Variants in GOSR2 observed in about 807,000 individuals in gnomAD.
GOSR2 encodes golgi SNAP receptor complex member 2, also known as 27 kDa Golgi SNARE protein.
Under a neutral mutation model 27.9 loss-of-function variants are expected in GOSR2, and 20 were observed. The observed-to-expected ratio is 0.72, with a 90% CI of 0.50 to 1.04. The LOEUF is 1.04. Ranked by LOEUF, GOSR2 falls within the 50% of genes least tolerant of loss-of-function variation. The pLI, the probability that GOSR2 is intolerant of heterozygous loss-of-function variation, is 0.00. For synonymous variants in GOSR2, 91 were observed against 98.8 expected, an observed-to-expected ratio of 0.92 and a Z score of 0.47; for missense variants, 261 against 270.5, an observed-to-expected ratio of 0.97 and a Z score of 0.25.
chr17:46,942,032 A>G, downstream of GOSR2: 1 of 852,808 alleles, frequency 1.2e-6, no homozygotes, highest in South Asian at 5.4e-5. Context: ...CTTAGTCCAA[A>G]AAAGATTTGA....
chr17:46,933,997 A>T (rs1023859653), intron 4 of GOSR2, among the ~76,000 whole-genome samples: 1 of 151,668 alleles, frequency 6.6e-6, no homozygotes, highest in Non-Finnish European at 1.5e-5. Flanking sequence ...AGAGCTTGTG[A>T]TTGGCAGAAA....
chr17:46,942,240 C>T (rs374430155), downstream of GOSR2, among the ~76,000 whole-genome samples: 2 of 152,176 alleles, frequency 1.3e-5, no homozygotes, highest in African/African-American at 2.4e-5. Context: ...CTGTCTCAAC[C>T]GGGGGGTGAC....
rs2089011090 is a variant in GOSR2 at position 46,939,856 on chromosome 17, C to T, written c.*1096C>T. 1 of 993,178 alleles carries T rather than the reference C, an allele frequency of 1.0e-6. No homozygotes were observed. The highest frequency in any genetic ancestry group is 1.2e-6 in the Non-Finnish European group (1 of 833,700). 61.5% of individuals were successfully genotyped at this position (993,178 alleles called of 1,614,324 possible). A position where few individuals can be genotyped will look rare whatever the true frequency, so the allele number is the denominator to read the frequency against. Reference sequence around the variant, plus strand: ...AATTTAGTATAAAGGCCAATCTGTCCTGAAGTCCATCTAATGTGGTGAATC... The same window carrying T: ...AATTTAGTATAAAGGCCAATCTGTCTTGAAGTCCATCTAATGTGGTGAATC... On this transcript the variant is annotated 3_prime_UTR_variant, in exon 6 of 6. Coordinates refer to ENST00000640051, the MANE Select transcript of GOSR2 (RefSeq NM_004287.5).
At chr17:46,923,270 G>A in intron 1 of GOSR2, 49 bp downstream of exon 1, 2 of 1,550,510 alleles carry the variant, frequency 1.3e-6, no homozygotes, top group South Asian at 1.2e-5. Flanking sequence ...GCGAGGCCAG[G>A]TGAGCCTGGC....
At chr17:46,970,748 G>T (rs1193268958), downstream of GOSR2, among the ~76,000 whole-genome samples, 1 of 152,164 alleles carries the variant, frequency 6.6e-6, no homozygotes, top group African/African-American at 2.4e-5. Context: ...AGTGATGTTT[G>T]CATAAAAGAG....
At chr17:46,969,669 T>C (rs1385365030), downstream of GOSR2, among the ~76,000 whole-genome samples, 1 of 152,188 alleles carries the variant, frequency 6.6e-6, no homozygotes, top group Admixed American at 6.5e-5. Context: ...GCTTGGTGGA[T>C]AAATGCCTTA....
At chr17:46,947,734 T>C (rs2090023619) in intron 6 of GOSR2, among the ~76,000 whole-genome samples, 2 of 152,204 alleles carry the variant, frequency 1.3e-5, no homozygotes, top group African/African-American at 4.8e-5. Context: ...GTAGCAAAAG[T>C]GCCTGTATTT....
At chr17:46,960,165 A>T (rs2090969046) in intron 6 of GOSR2, among the ~76,000 whole-genome samples, 1 of 152,246 alleles carries the variant, frequency 6.6e-6, no homozygotes, top group Non-Finnish European at 1.5e-5. Context: ...CTCAACAATA[A>T]GAAAACAAGC....
At chr17:46,936,487 C>T (rs1371105009) in intron 5 of GOSR2, 3 of 985,348 alleles carry the variant, frequency 3.0e-6, no homozygotes, top group African/African-American at 3.5e-5. Context: ...CCTGTGGCTA[C>T]CTGGTGTTTG....
intron 6 of GOSR2, chr17:46,975,084 A>G (rs1283367531): frequency 1.3e-5 from 2 of 150,850 alleles, no homozygotes; most frequent in African/African-American, 4.9e-5. Context: ...AACAAAACTA[A>G]CAATAACCCT....
intron 1 of GOSR2, chr17:46,923,608 T>G (rs1598906915): frequency 2.4e-6 from 3 of 1,263,288 alleles, no homozygotes. Flanking sequence ...GCCGTAGGAG[T>G]GTACTGTTTA....
Position 46,940,169 on chromosome 17 carries a change from A to T in GOSR2, c.*1409A>T. 2.2e-6 allele frequency: 3 copies of T among 1,337,254 alleles called. No homozygotes were observed. The highest frequency in any genetic ancestry group is 2.9e-6 in the Non-Finnish European group (3 of 1,041,550). The allele number at this position is 1,337,254 out of a possible 1,614,324, so 82.8% of individuals were successfully genotyped here. A position where few individuals can be genotyped will look rare whatever the true frequency, so the allele number is the denominator to read the frequency against. On this transcript the variant is annotated 3_prime_UTR_variant, in exon 6 of 6. Coordinates refer to ENST00000640051, the MANE Select transcript of GOSR2 (RefSeq NM_004287.5). ...TGTAGTCATGTTGGTCCTTTCAGGC[A>T]CCTCTGTGGCATAGCTCCCCTTTGG...
At chr17:46,959,673 G>T (rs2090943325) in intron 6 of GOSR2, among the ~76,000 whole-genome samples, 1 of 152,130 alleles carries the variant, frequency 6.6e-6, no homozygotes, top group Non-Finnish European at 1.5e-5. Flanking sequence ...GCTGAATTAT[G>T]GTGGGAAAGG....
At position 46,931,270 on chromosome 17, in the gene GOSR2, T is replaced by C. The variant is rs193091114; in HGVS notation, c.203+63T>C. On this transcript the variant is annotated intron_variant, in intron 3 of 5. Transcript: ENST00000640051. ...GCCCATCAAGACAGGCTTTTCTCCC[T>C]GGGGGAGGTGATAGAATATTCTGAA... is the stretch of plus-strand genomic sequence containing the variant. The C allele has an allele frequency of 2.6e-5, 22 of 838,388 alleles. No individual in the cohort carries two copies. The Admixed American group carries it at 3.8e-4, about 15-fold the overall frequency. 51.9% of individuals were successfully genotyped at this position (838,388 alleles called of 1,614,324 possible).
intron 6 of GOSR2, among the ~76,000 whole-genome samples, chr17:46,954,604 A>G (rs2090588751): frequency 1.3e-5 from 2 of 152,124 alleles, no homozygotes; most frequent in South Asian, 4.2e-4. Flanking sequence ...TGAATCTATA[A>G]ATTACCTTGG....
At position 46,940,097 on chromosome 17, in the gene GOSR2, C is replaced by T. The variant is rs959730636; in HGVS notation, c.*1337C>T. The T allele has an allele frequency of 2.4e-5, 28 of 1,151,066 alleles. No homozygotes were observed. Among genetic ancestry groups the T allele is most frequent in the African/African-American group, 3.1e-5 (2 of 63,686 alleles). 71.3% of individuals were successfully genotyped at this position (1,151,066 alleles called of 1,614,324 possible). On this transcript the variant is annotated 3_prime_UTR_variant, in exon 6 of 6. Coordinates refer to ENST00000640051, the MANE Select transcript of GOSR2 (RefSeq NM_004287.5). ...AACTGTCTTCTGTCTTATTTCCCTTCCTTTCTGTGTTCCTCTTCACCTCTC... is the reference window on the plus strand; with the variant it reads ...AACTGTCTTCTGTCTTATTTCCCTTTCTTTCTGTGTTCCTCTTCACCTCTC...
At position 46,923,420 on chromosome 17, in the gene GOSR2, C is replaced by T. The variant is rs1489347715; in HGVS notation, c.29+199C>T. On this transcript the variant is annotated intron_variant, in intron 1 of 5. Coordinates refer to ENST00000640051, the MANE Select transcript of GOSR2 (RefSeq NM_004287.5). ...ACAGACAGTGGGTTCAGGCTGGGGC[C>T]TGGAGACGTGGGGCAGATGACTCCT... 43 of 1,436,622 alleles carry T rather than the reference C, an allele frequency of 3.0e-5. 1 individual carries two copies. The South Asian group carries it at 6.3e-4, about 21-fold the overall frequency. 89.0% of individuals were successfully genotyped at this position (1,436,622 alleles called of 1,614,324 possible). A position where few individuals can be genotyped will look rare whatever the true frequency, so the allele number is the denominator to read the frequency against.
At chr17:46,975,734 G>C (rs563933549), downstream of GOSR2, among the ~76,000 whole-genome samples, 1 of 152,212 alleles carries the variant, frequency 6.6e-6, no homozygotes, top group Non-Finnish European at 1.5e-5. Flanking sequence ...ACACCACAGG[G>C]GACCCAAACA....
chr17:46,927,116 C>T (rs188634941), intron 1 of GOSR2, among the ~76,000 whole-genome samples: 278 of 152,240 alleles, frequency 1.8e-3, no homozygotes, highest in African/African-American at 6.6e-3. Flanking sequence ...GAAATGTGAT[C>T]TCATTGCTTT....
Sources: gnomAD v4.1 joint callset for allele counts (sites outside exome capture counted in the v4.1 genomes callset) on GRCh38, gnomAD v4.1.1 for gene constraint, MANE v1.5 for transcripts, NCBI Gene and HGNC (gene_info 2026-07-23, HGNC 2026-07-21) for gene names.